TRIM7: variants seen among roughly 807,000 people sequenced by gnomAD.
The protein encoded by TRIM7 is E3 ubiquitin-protein ligase TRIM7.
A neutral mutation model predicts 37.9 loss-of-function variants in TRIM7; 32 were observed. The ratio of observed to expected loss-of-function variants is 0.84; its 90% CI spans 0.64 to 1.13. TRIM7 has a LOEUF of 1.13. Ranked by LOEUF, TRIM7 falls within the 50% of genes most tolerant of loss-of-function variation. The pLI is 0.00. For missense variants in TRIM7, 732 were observed against 714.0 expected (o/e 1.03, Z -0.29); for synonymous variants, 351 against 321.3 (o/e 1.09, Z -0.99).
At position 181,204,513 on chromosome 5, in the gene TRIM7, G is replaced by C. The variant is rs1221760325; in HGVS notation, c.522+76C>G. 16 of 1,295,112 alleles carry C rather than the reference G, an allele frequency of 1.2e-5. No homozygotes were observed. The African/African-American group carries it at 2.5e-4, about 20-fold the overall frequency. The allele number at this position is 1,295,112 out of a possible 1,614,324, so 80.2% of individuals were successfully genotyped here. ...CCTCCTGATCGACAGGCTGTTCTCT[G>C]CACCCCGTGCGCGGGAGCGCGGGAC... On this transcript the variant is annotated intron_variant, in intron 1 of 6. Transcript: ENST00000274773.
At chr5:181,200,332 C>G in intron 2 of TRIM7, 1 of 1,426,278 alleles carries the variant, frequency 7.0e-7, no homozygotes, top group South Asian at 1.5e-5. Context: ...TGTGCTCCAT[C>G]ACCTAAACCA....
chr5:181,198,244 G>T (rs777371684), intron 5 of TRIM7, 26 bp from the exon 6 acceptor site: 3 of 1,613,390 alleles, frequency 1.9e-6, no homozygotes, highest in African/African-American at 2.7e-5. Context: ...AAAGCAAGGC[G>T]TGCATGAGCG....
At chr5:181,199,820 T>C in intron 3 of TRIM7, 31 bp downstream of exon 3, 1 of 1,591,892 alleles carries the variant, frequency 6.3e-7, no homozygotes, top group Non-Finnish European at 8.6e-7. Flanking sequence ...TTAGGATAAA[T>C]GACTCGAGCC....
chr5:181,197,966 C>G (rs1441844015), intron 6 of TRIM7: 3 of 594,094 alleles, frequency 5.0e-6, no homozygotes, highest in Non-Finnish European at 3.0e-6. Context: ...CATTCCTGCT[C>G]CTAACCAACC....
intron 2 of TRIM7, 74 bp from the exon 3 acceptor site, chr5:181,200,155 C>T: frequency 6.2e-7 from 1 of 1,612,622 alleles, no homozygotes; most frequent in Non-Finnish European, 8.5e-7. Flanking sequence ...CTGAGTCATC[C>T]CACAGGGCAA....
chr5:181,198,114 G>T, intron 6 of TRIM7, 69 bp downstream of exon 6: 1 of 1,579,300 alleles, frequency 6.3e-7, no homozygotes, highest in Non-Finnish European at 8.7e-7. Context: ...CCCTGAGATG[G>T]TCACGAGCAG....
chr5:181,201,488 C>G (rs1300967628), intron 2 of TRIM7, among the ~76,000 whole-genome samples: 3 of 152,202 alleles, frequency 2.0e-5, no homozygotes, highest in Non-Finnish European at 4.4e-5. Flanking sequence ...CACCTGTCAT[C>G]TCAGCACTTT....
chr5:181,197,881 G>T, intron 6 of TRIM7: 1 of 466,780 alleles, frequency 2.1e-6, no homozygotes, highest in South Asian at 2.7e-5. Context: ...CATCCATCTT[G>T]GAGTGGGGAC....
intron 2 of TRIM7, among the ~76,000 whole-genome samples, chr5:181,201,343 G>A (rs1018985398): frequency 1.3e-5 from 2 of 152,156 alleles, no homozygotes; most frequent in African/African-American, 2.4e-5. Context: ...TCAAATAAGA[G>A]CATTCCTTCT....
intron 6 of TRIM7, 94 bp downstream of exon 6, chr5:181,198,089 C>T (rs1056125160): frequency 1.4e-5 from 20 of 1,420,916 alleles, no homozygotes; most frequent in African/African-American, 7.0e-5. Context: ...CTGAAGGAAC[C>T]GACCATATGC....
At chr5:181,201,508 A>T (rs1757480986) in intron 2 of TRIM7, among the ~76,000 whole-genome samples, 1 of 152,162 alleles carries the variant, frequency 6.6e-6, no homozygotes. Flanking sequence ...TGGGAGGCTG[A>T]GGGGGGCAAA....
chr5:181,194,825 CT>C lies in TRIM7; in HGVS notation c.*340del. 1 of 234,524 alleles carries C rather than the reference CT, an allele frequency of 4.3e-6. No individual in the cohort carries two copies. The allele number at this position is 234,524 out of a possible 1,614,324, so 14.5% of individuals were successfully genotyped here. A position where few individuals can be genotyped will look rare whatever the true frequency, so the allele number is the denominator to read the frequency against. On this transcript the variant is annotated 3_prime_UTR_variant, in exon 7 of 7. Coordinates refer to ENST00000274773, the MANE Select transcript of TRIM7 (RefSeq NM_203293.3). ...TGGCAACAGAGAACAGCAGGACTGG[CT>C]TTGACATTGTTTTAGGGAGCCAGGC...
In TRIM7 at chr5:181,204,840, G is replaced by T; in HGVS notation, c.271C>A (p.Arg91=). The T allele has an allele frequency of 2.2e-6, 3 of 1,358,640 alleles. No individual in the cohort carries two copies. The highest frequency in any genetic ancestry group is 2.8e-6 in the Non-Finnish European group (3 of 1,065,772). 84.2% of individuals were successfully genotyped at this position (1,358,640 alleles called of 1,614,324 possible). The change falls in exon 1 of 7, where the codon CGG becomes AGG. Residue 91 remains arginine (R), a synonymous_variant. Coordinates refer to ENST00000274773, the MANE Select transcript of TRIM7 (RefSeq NM_203293.3). The part of the protein sequence containing the change: ...CREPARPSQL[R]PNRQLAAVAT... ...ACTGCCGCCAGCTGCCGGTTGGGCC[G>T]CAGCTGACTGGGGCGCGCGGGCTCG... is the stretch of plus-strand genomic sequence containing the variant.
intron 5 of TRIM7, 127 bp downstream of exon 5, chr5:181,198,563 G>T: frequency 1.4e-6 from 1 of 731,048 alleles, no homozygotes; most frequent in Non-Finnish European, 2.4e-6. Context: ...CACCAATCTG[G>T]CCATGGCACA....
At chr5:181,204,234 C>T (rs1757683385) in intron 1 of TRIM7, 10 of 1,051,630 alleles carry the variant, frequency 9.5e-6, no homozygotes, top group Non-Finnish European at 1.1e-5. Flanking sequence ...GGCTGCGTGG[C>T]TGTGCCGGAG....
At chr5:181,197,153 A>C (rs1757178954) in intron 6 of TRIM7, 1 of 152,148 alleles carries the variant, frequency 6.6e-6, no homozygotes, top group Admixed American at 6.6e-5. Context: ...GTCTCCAAAA[A>C]AAAAAAAAAA....
chr5:181,204,510 T>C, intron 1 of TRIM7, 79 bp downstream of exon 1: 1 of 1,290,802 alleles, frequency 7.7e-7, no homozygotes, highest in East Asian at 3.1e-5. Flanking sequence ...CAGGCTGTTC[T>C]CTGCACCCCG....
chr5:181,195,121 C>G lies in TRIM7; in HGVS notation c.*45G>C. Reference sequence around the variant, plus strand: ...AGGCATCTCTGGGGAGGCGACATCCCCTCCCACCGGCAGCCCAGAGACAGG... The same window carrying G: ...AGGCATCTCTGGGGAGGCGACATCCGCTCCCACCGGCAGCCCAGAGACAGG... On this transcript the variant is annotated 3_prime_UTR_variant, in exon 7 of 7. Coordinates refer to ENST00000274773, the MANE Select transcript of TRIM7 (RefSeq NM_203293.3). 3 of 1,550,594 alleles carry G rather than the reference C, an allele frequency of 1.9e-6. No individual in the cohort carries two copies. The highest frequency in any genetic ancestry group is 2.6e-6 in the Non-Finnish European group (3 of 1,145,620).
Position 181,204,604 on chromosome 5 carries a change from C to T in TRIM7, c.507G>A (p.Ala169=). 6.9e-7 allele frequency: 1 copy of T among 1,447,626 alleles called. No homozygotes were observed. The highest frequency in any genetic ancestry group is 1.4e-5 in the South Asian group (1 of 69,418). 89.7% of individuals were successfully genotyped at this position (1,447,626 alleles called of 1,614,324 possible). ...CTGCGCTCACCTTGGCCTCCTGCAC[C>T]GCCTCGTCCAGCGGCAGCACGGCGT... ...REHAVLPLDE[A]VQEAKELLES... Residue 169 remains alanine, a synonymous_variant, in exon 1 of 7, where the codon GCG becomes GCA. Transcript: ENST00000274773.
Sources: gnomAD v4.1 joint callset for allele counts (sites outside exome capture counted in the v4.1 genomes callset) on GRCh38, gnomAD v4.1.1 for gene constraint, MANE v1.5 for transcripts, NCBI Gene and HGNC (gene_info 2026-07-23, HGNC 2026-07-21) for gene names.